CHST3: variants seen among roughly 807,000 people sequenced by gnomAD.
CHST3 encodes the protein carbohydrate sulfotransferase 3.
CHST3 carries 20 observed loss-of-function variants against 35.4 expected under a neutral mutation model. That is an observed-to-expected ratio of 0.57 (90% confidence interval 0.40 to 0.82). CHST3 has a LOEUF of 0.82. Ranked by LOEUF, CHST3 falls within the 40% of genes least tolerant of loss-of-function variation. The pLI is 0.00. For synonymous variants in CHST3, 334 were observed against 295.9 expected, an observed-to-expected ratio of 1.13 and a Z score of -1.32; for missense variants, 693 against 670.1, an observed-to-expected ratio of 1.03 and a Z score of -0.38.
chr10:71,986,275 G>A (rs115529752), intron 1 of CHST3, among the ~76,000 whole-genome samples: 29 of 152,300 alleles, frequency 1.9e-4, no homozygotes, highest in African/African-American at 7.0e-4. Flanking sequence ...TTCTAGGTTA[G>A]AATCACCTAA....
At chr10:71,994,459 C>G (rs1275591150) in intron 1 of CHST3, among the ~76,000 whole-genome samples, 1 of 152,150 alleles carries the variant, frequency 6.6e-6, no homozygotes, top group East Asian at 1.9e-4. Context: ...TAGGTGTCAA[C>G]AGTGGGCTTA....
At chr10:71,974,574 A>G (rs935148539) in intron 1 of CHST3, among the ~76,000 whole-genome samples, 4 of 152,182 alleles carry the variant, frequency 2.6e-5, no homozygotes, top group African/African-American at 2.4e-5. Context: ...GAGAGATGCC[A>G]GGCGGGCCTG....
Position 72,008,412 on chromosome 10 carries a change from G to T in CHST3, c.1381G>T (p.Ala461Ser). Residue 461 changes from alanine to serine, a missense_variant, in exon 3 of 3, where the codon GCC (alanine) becomes TCC (serine). By Grantham distance (99) the Ala-to-Ser change is moderately conservative. Coordinates refer to ENST00000373115, the MANE Select transcript of CHST3 (RefSeq NM_004273.5). Reference sequence around the variant, plus strand: ...CTACAAACTGGCGCGGGACGCCGCCGCCCTCACCAACCGCTCAGTCAGCCT... The same window carrying T: ...CTACAAACTGGCGCGGGACGCCGCCTCCCTCACCAACCGCTCAGTCAGCCT... ...FGYKLARDAAALTNRSVSLLE... is the reference protein window; with the variant it reads ...FGYKLARDAASLTNRSVSLLE... The T allele has an allele frequency of 6.4e-7, 1 of 1,572,568 alleles. No homozygotes were observed. The highest frequency in any genetic ancestry group is 2.3e-5 in the East Asian group (1 of 42,886).
At chr10:72,001,051 G>A (rs1333305297) in intron 1 of CHST3, among the ~76,000 whole-genome samples, 1 of 152,138 alleles carries the variant, frequency 6.6e-6, no homozygotes, top group Non-Finnish European at 1.5e-5. Context: ...GAGGTGGCAG[G>A]CAGGTGAGAA....
rs1840081958 is a variant in CHST3 at position 72,009,200 on chromosome 10, T to C, written c.*729T>C. The C allele has an allele frequency of 6.6e-6, 1 of 151,946 alleles. No homozygotes were observed. Among genetic ancestry groups the C allele is most frequent in the African/African-American group, 2.4e-5 (1 of 41,322 alleles). 9.4% of individuals were successfully genotyped at this position (151,946 alleles called of 1,614,324 possible). On this transcript the variant is annotated 3_prime_UTR_variant, in exon 3 of 3. Coordinates refer to ENST00000373115, the MANE Select transcript of CHST3 (RefSeq NM_004273.5). ...TTCCTCGCTGCTTATGCCCACAGGG[T>C]TTTTCTGTATGACACACCTCAGAGG... is the stretch of plus-strand genomic sequence containing the variant.
rs1840085229 is a variant in CHST3, at chr10:72,009,456, G to A, written c.*985G>A. 1 of 152,216 alleles carries A rather than the reference G, an allele frequency of 6.6e-6. No individual in the cohort carries two copies. Among genetic ancestry groups the A allele is most frequent in the Non-Finnish European group, 1.5e-5 (1 of 68,060 alleles). The allele number at this position is 152,216 out of a possible 1,614,324, so 9.4% of individuals were successfully genotyped here. On this transcript the variant is annotated 3_prime_UTR_variant, in exon 3 of 3. Coordinates refer to ENST00000373115, the MANE Select transcript of CHST3 (RefSeq NM_004273.5). ...ATGTTTTGAAATGGTGCAGCCAAAG[G>A]CCCCGTCTAGCTTGGCTGGCTCCCG... is the stretch of plus-strand genomic sequence containing the variant.
At position 71,972,424 on chromosome 10, in the gene CHST3, C is replaced by T. The variant is rs367782618; in HGVS notation, c.-108+7730C>T. ...TATTGTGGGCACTACCAGTGAGCCTCGGCCTTCTCCAGGTCTGACTCCAGT... is the reference window on the plus strand; with the variant it reads ...TATTGTGGGCACTACCAGTGAGCCTTGGCCTTCTCCAGGTCTGACTCCAGT... On this transcript the variant is annotated intron_variant, in intron 1 of 2. Coordinates refer to ENST00000373115, the MANE Select transcript of CHST3 (RefSeq NM_004273.5). Among the ~76,000 whole-genome samples the T allele has an allele frequency of 2.8e-3, 422 of 152,314 alleles. 4 individuals are homozygous for T. The highest frequency in any genetic ancestry group is 9.9e-3 in the African/African-American group (410 of 41,570).
chr10:71,987,426 CAG>C (rs1839858695), intron 1 of CHST3, among the ~76,000 whole-genome samples: 1 of 152,018 alleles, frequency 6.6e-6, no homozygotes, highest in Non-Finnish European at 1.5e-5. Flanking sequence ...TGTATAGAAA[CAG>C]AGGAGACCGA....
rs1277363955 is a variant in CHST3, at chr10:72,012,091, C to T, written c.*3620C>T. ...AGATGTTTAATAACAAGTTTACTTC[C>T]GGTCTGCTAGCACCCTCAGCCTGGG... On this transcript the variant is annotated 3_prime_UTR_variant, in exon 3 of 3. Coordinates refer to ENST00000373115, the MANE Select transcript of CHST3 (RefSeq NM_004273.5). 2 of 152,210 alleles carry T rather than the reference C, an allele frequency of 1.3e-5. No individual in the cohort carries two copies. The highest frequency in any genetic ancestry group is 2.9e-5 in the Non-Finnish European group (2 of 68,044). 9.4% of individuals were successfully genotyped at this position (152,210 alleles called of 1,614,324 possible).
chr10:72,004,185 A>G (rs1320491796), intron 1 of CHST3, among the ~76,000 whole-genome samples: 1 of 152,126 alleles, frequency 6.6e-6, no homozygotes, highest in Non-Finnish European at 1.5e-5. Flanking sequence ...TAATAATAAT[A>G]ATGATACATA....
In CHST3 at chr10:72,008,475, G is replaced by A. The variant is rs1213863700; in HGVS notation, c.*4G>A. The stretch of plus-strand genomic sequence containing the variant: ...GGGCACCTTCTGGGTCACGTAGGGG[G>A]GCCGGGGCCCCGTATGCCCCTCCTC... On this transcript the variant is annotated 3_prime_UTR_variant, in exon 3 of 3. Transcript: ENST00000373115. The A allele has an allele frequency of 7.9e-6, 12 of 1,528,142 alleles. No homozygotes were observed. The highest frequency in any genetic ancestry group is 1.1e-5 in the Non-Finnish European group (12 of 1,136,194). 94.7% of individuals were successfully genotyped at this position (1,528,142 alleles called of 1,614,324 possible).
chr10:72,007,148 C>T (rs758385149), intron 2 of CHST3, 24 bp from the exon 3 acceptor site: 1 of 1,612,852 alleles, frequency 6.2e-7, no homozygotes, highest in Admixed American at 1.7e-5. Flanking sequence ...CAGCCACTGA[C>T]CCTGATCTTC....
intron 1 of CHST3, among the ~76,000 whole-genome samples, chr10:71,970,372 G>T (rs908300586): frequency 2.0e-5 from 3 of 152,194 alleles, no homozygotes; most frequent in Non-Finnish European, 4.4e-5. Flanking sequence ...GAGAAAAAGT[G>T]TGGAAAATAA....
intron 1 of CHST3, among the ~76,000 whole-genome samples, chr10:71,997,374 G>C (rs1053361247): frequency 6.6e-5 from 10 of 152,190 alleles, no homozygotes; most frequent in East Asian, 1.9e-4. Context: ...TGTGGAAGAG[G>C]TGCTAGCATC....
At chr10:71,969,625 G>C (rs1212175626) in intron 1 of CHST3, among the ~76,000 whole-genome samples, 2 of 152,208 alleles carry the variant, frequency 1.3e-5, no homozygotes, top group African/African-American at 4.8e-5. Context: ...AAAGAAACTG[G>C]AGCCCTCTCC....
chr10:71,979,477 C>T (rs573359971), intron 1 of CHST3, among the ~76,000 whole-genome samples: 68 of 151,712 alleles, frequency 4.5e-4, no homozygotes, highest in Non-Finnish European at 6.0e-4. Context: ...CGGAGGGAGG[C>T]TCTGGGGATG....
At chr10:71,995,146 C>T (rs1028819268) in intron 1 of CHST3, among the ~76,000 whole-genome samples, 18 of 152,048 alleles carry the variant, frequency 1.2e-4, no homozygotes, top group South Asian at 2.1e-4. Flanking sequence ...CTTTTCCAGC[C>T]GGGTGCGGTG....
intron 1 of CHST3, among the ~76,000 whole-genome samples, chr10:71,971,661 T>C (rs1184961553): frequency 2.0e-5 from 3 of 152,220 alleles, no homozygotes; most frequent in Non-Finnish European, 4.4e-5. Context: ...GGAAATATTT[T>C]GAAAACACAC....
At chr10:71,972,110 A>G (rs2131738427) in intron 1 of CHST3, among the ~76,000 whole-genome samples, 1 of 152,196 alleles carries the variant, frequency 6.6e-6, no homozygotes, top group South Asian at 2.1e-4. Context: ...TTCTCACCAG[A>G]AGCTCTAGAG....
Sources: gnomAD v4.1 joint callset for allele counts (sites outside exome capture counted in the v4.1 genomes callset) on GRCh38, gnomAD v4.1.1 for gene constraint, MANE v1.5 for transcripts, NCBI Gene and HGNC (gene_info 2026-07-23, HGNC 2026-07-21) for gene names.